Variants in ANK1 observed in about 807,000 individuals in gnomAD.
ANK1 encodes ankyrin 1, also known as ankyrin-1.
In ANK1, 51 loss-of-function variants were observed where a neutral mutation model predicts 210.4. The observed-to-expected ratio is 0.24, with a 90% CI of 0.19 to 0.31. ANK1 has a LOEUF of 0.31. Among genes scored for constraint, ANK1 ranks in the 10% least tolerant of loss-of-function variants. The pLI, the probability that ANK1 is intolerant of heterozygous loss-of-function variation, is 1.00. For synonymous variants in ANK1, 967 were observed against 1,025.9 expected, an observed-to-expected ratio of 0.94 and a Z score of 1.10; for missense variants, 2,051 against 2,504.4, an observed-to-expected ratio of 0.82 and a Z score of 3.86.
chr8:41,676,826 G>C (rs1402455351), intron 37 of ANK1, among the ~76,000 whole-genome samples: 1 of 152,156 alleles, frequency 6.6e-6, no homozygotes, highest in East Asian at 1.9e-4. Context: ...TTGGTTTGCA[G>C]TTTTCTTGTT....
chr8:41,661,968 G>A (rs923099166), intron 40 of ANK1, 27 bp from the exon 41 acceptor site: 30 of 1,612,246 alleles, frequency 1.9e-5, no homozygotes, highest in East Asian at 1.8e-4. Context: ...AGGAGGAAAG[G>A]GCTGGTCAGG....
In ANK1 at chr8:41,693,988, G is replaced by A. The variant is rs148589308; in HGVS notation, c.3442C>T (p.Arg1148Trp). 1.7e-5 allele frequency: 28 copies of A among 1,613,982 alleles called. No homozygotes were observed. The highest frequency in any genetic ancestry group is 1.3e-4 in the East Asian group (6 of 44,886). Residue 1148 changes from arginine to tryptophan, a missense_variant, in exon 29 of 43, where the codon CGG (arginine) becomes TGG (tryptophan). Physicochemically the swap from Arg to Trp is moderately radical, Grantham distance 101 (BLOSUM62 -3). Transcript: ENST00000289734. Reference sequence around the variant, plus strand: ...GTCCAGGAAGGAGGTAGTGGGATCCGAAGCCCAATGGGGCGGTGGAACTTC... The same window carrying A: ...GTCCAGGAAGGAGGTAGTGGGATCCAAAGCCCAATGGGGCGGTGGAACTTC... Reference protein sequence around the residue: ...RRKFHRPIGLRIPLPPSWTDN... With the variant: ...RRKFHRPIGLWIPLPPSWTDN...
rs189369165 is a variant in ANK1, at chr8:41,865,761, G to A, written c.126+30594C>T. On this transcript the variant is annotated intron_variant, in intron 1 of 42. Coordinates refer to the ANK1 transcript ENST00000265709. Reference sequence around the variant, plus strand: ...GTAGGGCCTCTGGAAGGTTCAGTCCGCTTCTTCCCATCCTCCTCCCACTGC... The same window carrying A: ...GTAGGGCCTCTGGAAGGTTCAGTCCACTTCTTCCCATCCTCCTCCCACTGC... Among the ~76,000 whole-genome samples, 551 of 152,034 alleles carry A rather than the reference G, an allele frequency of 3.6e-3. 2 individuals carry two copies. The highest frequency in any genetic ancestry group is 5.5e-3 in the African/African-American group (230 of 41,466).
At chr8:41,716,240 T>A (rs1406239996) in intron 13 of ANK1, among the ~76,000 whole-genome samples, 2 of 152,080 alleles carry the variant, frequency 1.3e-5, no homozygotes, top group Non-Finnish European at 1.5e-5. Flanking sequence ...GTCTCCCACA[T>A]CCTTTCTGAG....
intron 3 of ANK1, among the ~76,000 whole-genome samples, chr8:41,730,326 T>C (rs56014358): frequency 0.034 from 5,182 of 152,280 alleles, 314 homozygotes; most frequent in African/African-American, 0.12. Context: ...AGCCTGGGGC[T>C]GGGTGCAGCA....
intron 2 of ANK1, among the ~76,000 whole-genome samples, chr8:41,734,710 G>A (rs1833003486): frequency 6.6e-6 from 1 of 151,528 alleles, no homozygotes; most frequent in Non-Finnish European, 1.5e-5. Context: ...TGGGCAACAT[G>A]ATGAAACCCT....
At chr8:41,671,652 C>T (rs1812364956) in intron 38 of ANK1, among the ~76,000 whole-genome samples, 1 of 151,086 alleles carries the variant, frequency 6.6e-6, no homozygotes, top group Non-Finnish European at 1.5e-5. Flanking sequence ...GTGAGCCCTC[C>T]CAGCACCCCG....
intron 1 of ANK1, among the ~76,000 whole-genome samples, chr8:41,802,991 AAGAG>A (rs747807428): frequency 7.2e-5 from 5 of 69,802 alleles, no homozygotes; most frequent in Admixed American, 1.6e-4. Flanking sequence ...GAAAGAGAGA[AAGAG>A]AGAAAGAAAG....
chr8:41,886,776 G>A (rs1818509034), intron 1 of ANK1, among the ~76,000 whole-genome samples: 1 of 152,180 alleles, frequency 6.6e-6, no homozygotes, highest in African/African-American at 2.4e-5. Flanking sequence ...GGGGTGGAAG[G>A]GAGGAAGCCT....
rs767195976 is a variant in ANK1 at position 41,715,658 on chromosome 8, C to T, written c.1596G>A (p.Met532Ile). ...LLEKEASQAC[M>I]TKKGFTPLHV... ...ACGAGGCGGGAGGCTGTACCTTGGT[C>T]ATGCAGGCCTGGGATGCTTCCTTTT... The change falls in exon 14 of 43, where the codon ATG (methionine) becomes ATA (isoleucine). Residue 532 changes from methionine to isoleucine, a missense_variant. Met to Ile is a conservative substitution (Grantham distance 10). Around this residue, in one of 6 missense-constraint regions of ANK1, gnomAD observed 1,413 missense variants for 1,707.4 expected, o/e 0.83. Coordinates refer to ENST00000289734, the MANE Select transcript of ANK1 (RefSeq NM_000037.4). 2.5e-6 allele frequency: 4 copies of T among 1,613,348 alleles called. No individual in the cohort carries two copies. The highest frequency in any genetic ancestry group is 2.5e-6 in the Non-Finnish European group (3 of 1,179,966).
chr8:41,688,408 G>T, intron 34 of ANK1, 103 bp downstream of exon 34: 1 of 1,467,590 alleles, frequency 6.8e-7, no homozygotes, highest in Non-Finnish European at 9.5e-7. Context: ...CTGGCTGAGC[G>T]AGCGGCACCT....
At chr8:41,805,629 T>G (rs1300417163) in intron 1 of ANK1, among the ~76,000 whole-genome samples, 1 of 152,212 alleles carries the variant, frequency 6.6e-6, no homozygotes, top group Non-Finnish European at 1.5e-5. Flanking sequence ...TCTAAAACTA[T>G]GTATATATTA....
chr8:41,686,389 G>A, intron 35 of ANK1, 106 bp from the exon 36 acceptor site: 1 of 1,404,422 alleles, frequency 7.1e-7, no homozygotes, highest in Non-Finnish European at 1.0e-6. Context: ...GGACCCAGTG[G>A]GGAGCACAGG....
chr8:41,673,475 G>C (rs919905728), intron 37 of ANK1, among the ~76,000 whole-genome samples: 3 of 152,192 alleles, frequency 2.0e-5, no homozygotes, highest in African/African-American at 7.2e-5. Context: ...ACCTCACTGT[G>C]GTGGTCAAAT....
chr8:41,710,402 A>T (rs1825808670), intron 16 of ANK1, among the ~76,000 whole-genome samples: 1 of 152,260 alleles, frequency 6.6e-6, no homozygotes, highest in African/African-American at 2.4e-5. Flanking sequence ...CTGATTGCAC[A>T]GCCCAGGTAA....
At chr8:41,712,028 G>T (rs910432493) in intron 16 of ANK1, among the ~76,000 whole-genome samples, 1 of 151,980 alleles carries the variant, frequency 6.6e-6, no homozygotes. Flanking sequence ...GGGTTCAAGC[G>T]ATTCTCCTGC....
At chr8:41,656,348 G>C (rs1805714482) in intron 42 of ANK1, among the ~76,000 whole-genome samples, 1 of 152,190 alleles carries the variant, frequency 6.6e-6, no homozygotes, top group Non-Finnish European at 1.5e-5. Context: ...TTCAGCTCTG[G>C]CCCACAGCAC....
chr8:41,803,060 A>AGAGAAAGG, intron 1 of ANK1, among the ~76,000 whole-genome samples: 1 of 59,074 alleles, frequency 1.7e-5, no homozygotes, highest in African/African-American at 8.1e-5. Flanking sequence ...AGAAAGAGAG[A>AGAGAAAGG]AAGGAAGGAA....
In ANK1 at chr8:41,700,338, G is replaced by T. The variant is rs540664874; in HGVS notation, c.2462-790C>A. On this transcript the variant is annotated intron_variant, in intron 22 of 42. Transcript: ENST00000289734. ...GCTTATTAGCTGTCAGAGGAAGATGGAAAGCAGGAATGGATTAGTGAGCAT... is the reference window on the plus strand; with the variant it reads ...GCTTATTAGCTGTCAGAGGAAGATGTAAAGCAGGAATGGATTAGTGAGCAT... The T allele has an allele frequency of 1.3e-5, 18 of 1,361,320 alleles. No homozygotes were observed. The South Asian group carries it at 2.1e-4, about 16-fold the overall frequency. The allele number at this position is 1,361,320 out of a possible 1,614,324, so 84.3% of individuals were successfully genotyped here.
Sources: allele counts gnomAD v4.1 joint callset (sites outside exome capture counted in the v4.1 genomes callset), GRCh38; gene constraint gnomAD v4.1.1; regional missense constraint gnomAD v4.1.1; transcripts MANE v1.5; gene names NCBI Gene and HGNC (gene_info 2026-07-23, HGNC 2026-07-21).